PXK: variants seen among roughly 807,000 people sequenced by gnomAD.
PXK encodes PX domain containing serine/threonine kinase like.
In PXK, 35 loss-of-function variants were observed where a neutral mutation model predicts 84.7. The observed-to-expected ratio is 0.41, with a 90% CI of 0.32 to 0.55. PXK has a LOEUF of 0.55. Ranked by LOEUF, PXK falls within the 20% of genes least tolerant of loss-of-function variation. The pLI, the probability that PXK is intolerant of heterozygous loss-of-function variation, is 0.21. For missense variants in PXK, 634 were observed against 699.7 expected, an observed-to-expected ratio of 0.91 and a Z score of 1.06; for synonymous variants, 253 against 260.8, an observed-to-expected ratio of 0.97 and a Z score of 0.29.
intron 1 of PXK, among the ~76,000 whole-genome samples, chr3:58,362,177 A>C (rs1346300103): frequency 6.6e-6 from 1 of 152,206 alleles, no homozygotes; most frequent in Non-Finnish European, 1.5e-5. Context: ...ATTTTTAAAA[A>C]ATGTTTGTTC....
Position 58,425,559 on chromosome 3 carries a change from A to G in PXK, c.*599A>G, listed in dbSNP as rs1159232488. 1.3e-5 allele frequency: 2 copies of G among 153,596 alleles called. No homozygotes were observed. The highest frequency in any genetic ancestry group is 2.9e-5 in the Non-Finnish European group (2 of 69,090). The allele number at this position is 153,596 out of a possible 1,614,324, so 9.5% of individuals were successfully genotyped here. A position where few individuals can be genotyped will look rare whatever the true frequency, so the allele number is the denominator to read the frequency against. ...TCTCTTAAGTTCTAACAGGAATACCATTGTGGTTATAGAACTCAGGGCTGC... is the reference window on the plus strand; with the variant it reads ...TCTCTTAAGTTCTAACAGGAATACCGTTGTGGTTATAGAACTCAGGGCTGC... On this transcript the variant is annotated 3_prime_UTR_variant, in exon 18 of 18. Transcript: ENST00000356151.
chr3:58,342,955 G>A (rs977464624), intron 1 of PXK, among the ~76,000 whole-genome samples: 2 of 152,190 alleles, frequency 1.3e-5, no homozygotes, highest in South Asian at 2.1e-4. Context: ...TCTGCCTGCT[G>A]TCGCAGCACC....
rs374826736 is a variant in PXK, at chr3:58,364,107, A to G, written c.103-1767A>G. Among the ~76,000 whole-genome samples the G allele has an allele frequency of 6.6e-5, 10 of 152,228 alleles. No individual in the cohort carries two copies. The highest frequency in any genetic ancestry group is 2.4e-4 in the African/African-American group (10 of 41,546). On this transcript the variant is annotated intron_variant, in intron 1 of 17. Coordinates refer to ENST00000356151, the MANE Select transcript of PXK (RefSeq NM_017771.5). This position sits in a 1 kb window ranked among gnomAD's most constrained non-coding sequence, Gnocchi z 4.3. The stretch of plus-strand genomic sequence containing the variant: ...GAGACCCACTTGGTCATGGTATATA[A>G]TTCTTTTTATAAATTGCTGAATTCA...
rs1434600799 is a variant in PXK at position 58,365,887 on chromosome 3, G to A, written c.116G>A (p.Arg39Gln). 2 of 1,575,234 alleles carry A rather than the reference G, an allele frequency of 1.3e-6. No homozygotes were observed. Among genetic ancestry groups the A allele is most frequent in the Non-Finnish European group, 1.7e-6 (2 of 1,165,046 alleles). The change falls in exon 2 of 18, where the codon CGA (arginine) becomes CAA (glutamine). Residue 39 changes from arginine to glutamine, a missense_variant. By Grantham distance (43) the Arg-to-Gln change is conservative. Coordinates refer to ENST00000356151, the MANE Select transcript of PXK (RefSeq NM_017771.5). ...SLQSHTEYIIRVQRGISVENS... is the reference protein window; with the variant it reads ...SLQSHTEYIIQVQRGISVENS... ...TCTCTTTTTAAGGAATATATTATTC[G>A]AGTGCAAAGAGGAATTTCTGTGGAA... is the stretch of plus-strand genomic sequence containing the variant.
intron 17 of PXK, chr3:58,423,502 A>G: frequency 6.5e-7 from 1 of 1,535,212 alleles, no homozygotes; most frequent in East Asian, 2.4e-5. Flanking sequence ...AAGGTAAGTG[A>G]TTTTCTATTG....
intron 4 of PXK, among the ~76,000 whole-genome samples, chr3:58,387,007 A>G (rs1217001975): frequency 2.0e-5 from 3 of 152,170 alleles, no homozygotes; most frequent in Admixed American, 6.5e-5. Flanking sequence ...CTGCAGTGCA[A>G]TCTGCTGTGG....
intron 1 of PXK, among the ~76,000 whole-genome samples, chr3:58,347,173 A>G (rs192939214): frequency 1.1e-4 from 16 of 152,142 alleles, no homozygotes; most frequent in Admixed American, 9.8e-4. Context: ...AGGTCTCACT[A>G]TGTTGTCCCG....
chr3:58,337,968 T>C (rs1164321225), intron 1 of PXK, among the ~76,000 whole-genome samples: 2 of 152,262 alleles, frequency 1.3e-5, no homozygotes, highest in Non-Finnish European at 2.9e-5. Flanking sequence ...GGTAATCTAG[T>C]ACTCAGTATC....
intron 1 of PXK, among the ~76,000 whole-genome samples, chr3:58,363,878 T>C (rs2098229319): frequency 6.6e-6 from 1 of 152,194 alleles, no homozygotes; most frequent in African/African-American, 2.4e-5. Flanking sequence ...GTAGGTTTTT[T>C]GTAGAACTTT....
intron 1 of PXK, among the ~76,000 whole-genome samples, chr3:58,335,132 C>G (rs972840087): frequency 6.6e-6 from 1 of 151,836 alleles, no homozygotes; most frequent in African/African-American, 2.4e-5. Context: ...TGCCTCAGCC[C>G]CACAAAGTGC....
At chr3:58,353,303 A>G (rs965367931) in intron 1 of PXK, among the ~76,000 whole-genome samples, 2 of 152,116 alleles carry the variant, frequency 1.3e-5, no homozygotes, top group Non-Finnish European at 2.9e-5. Flanking sequence ...GGTCTCTATG[A>G]ATTAGATTTT....
intron 1 of PXK, among the ~76,000 whole-genome samples, chr3:58,335,933 C>T (rs1477683055): frequency 6.6e-6 from 1 of 150,568 alleles, no homozygotes; most frequent in African/African-American, 2.4e-5. Flanking sequence ...CACTCCCTGA[C>T]AACATTTGTG....
In PXK at chr3:58,383,390, T is replaced by A. The variant is rs1179210364; in HGVS notation, c.388+690T>A. On this transcript the variant is annotated intron_variant, in intron 4 of 17. Coordinates refer to ENST00000356151, the MANE Select transcript of PXK (RefSeq NM_017771.5). This position sits in a 1 kb window ranked among gnomAD's most constrained non-coding sequence, Gnocchi z 4.0. ...TCAACACCTTATACATACAATAATC[T>A]TAATCTGATTTGTATTTGGCTCTGT... Among the ~76,000 whole-genome samples the A allele has an allele frequency of 6.6e-6, 1 of 152,228 alleles. No homozygotes were observed. The highest frequency in any genetic ancestry group is 2.4e-5 in the African/African-American group (1 of 41,460).
chr3:58,391,078 T>G, intron 5 of PXK, 69 bp from the exon 6 acceptor site: 1 of 1,097,526 alleles, frequency 9.1e-7, no homozygotes, highest in South Asian at 1.3e-5. Context: ...CTTGATTACC[T>G]AGTCAGTGAA....
Position 58,412,904 on chromosome 3 carries a change from G to C in PXK, c.1469G>C (p.Gly490Ala). ...GTTTCTCTGTGTTTTATCTTAGCAG[G>C]ATCTGGGGCCAGCTCACCTCTCACG... ...AKYSNSNNSA[G>A]SGASSPLTSP... Residue 490 changes from glycine to alanine, a missense_variant, in exon 17 of 18, where the codon GGA (glycine) becomes GCA (alanine). Physicochemically the swap from Gly to Ala is moderately conservative, Grantham distance 60. Transcript: ENST00000356151. The surrounding 1 kb of genome is among the most constrained non-coding windows in gnomAD (Gnocchi z 6.2). The C allele has an allele frequency of 6.2e-7, 1 of 1,614,144 alleles. No individual in the cohort carries two copies. The highest frequency in any genetic ancestry group is 8.5e-7 in the Non-Finnish European group (1 of 1,180,026).
intron 3 of PXK, among the ~76,000 whole-genome samples, chr3:58,380,004 T>A (rs576507247): frequency 2.0e-5 from 3 of 151,474 alleles, no homozygotes; most frequent in East Asian, 3.9e-4. Flanking sequence ...AGCAGAAAAT[T>A]AAAAAGATAA....
chr3:58,358,778 A>G (rs1379603082), intron 1 of PXK, among the ~76,000 whole-genome samples: 1 of 152,176 alleles, frequency 6.6e-6, no homozygotes, highest in African/African-American at 2.4e-5. Flanking sequence ...TTTTAAGAAC[A>G]CTGACCTAAA....
At chr3:58,384,185 CAG>C (rs1167445977) in intron 4 of PXK, among the ~76,000 whole-genome samples, 1 of 152,012 alleles carries the variant, frequency 6.6e-6, no homozygotes, top group Non-Finnish European at 1.5e-5. Context: ...GTTCTCTGAC[CAG>C]CAGCATTGGC....
intron 9 of PXK, among the ~76,000 whole-genome samples, chr3:58,396,784 G>A (rs557704534): frequency 6.6e-6 from 1 of 152,330 alleles, no homozygotes; most frequent in East Asian, 1.9e-4. Flanking sequence ...TTAATTCCAA[G>A]CATATGCAGG....
Sources: allele counts gnomAD v4.1 joint callset (sites outside exome capture counted in the v4.1 genomes callset), GRCh38; gene constraint gnomAD v4.1.1; non-coding constraint Gnocchi (gnomAD v3.1); transcripts MANE v1.5; gene names NCBI Gene and HGNC (gene_info 2026-07-23, HGNC 2026-07-21).